FHL2: variants seen among roughly 807,000 people sequenced by gnomAD.
The protein encoded by FHL2 is four and a half LIM domains protein 2.
In FHL2, 20 loss-of-function variants were observed where a neutral mutation model predicts 32.7. That is an observed-to-expected ratio of 0.61 (90% CI 0.43 to 0.89). FHL2 has a LOEUF of 0.89. Ranked by LOEUF, FHL2 falls within the 40% of genes least tolerant of loss-of-function variation. The probability of loss-of-function intolerance (pLI) is 0.00; values close to 1 mark genes in which losing one functional copy is unlikely to be tolerated. For synonymous variants in FHL2, 123 were observed against 128.1 expected (o/e 0.96, Z 0.27); for missense variants, 311 against 358.6 (o/e 0.87, Z 1.07).
chr2:105,430,452 A>C (rs1684396359), intron 1 of FHL2, among the ~76,000 whole-genome samples: 1 of 152,174 alleles, frequency 6.6e-6, no homozygotes, highest in South Asian at 2.1e-4. Flanking sequence ...AGATCACCCG[A>C]GGTCAGGAGT....
rs933188780 is a variant in FHL2 at position 105,422,721 on chromosome 2, G to A, written c.-25+15678C>T. Reference sequence around the variant, plus strand: ...ACTGTCTGGAGTTTAATACTGCCACGAGATTGCATCTTTAGGTTGATTTTT... The same window carrying A: ...ACTGTCTGGAGTTTAATACTGCCACAAGATTGCATCTTTAGGTTGATTTTT... On this transcript the variant is annotated intron_variant, in intron 1 of 5. Coordinates refer to the FHL2 transcript ENST00000393352. Among the ~76,000 whole-genome samples the A allele has an allele frequency of 5.3e-5, 8 of 150,528 alleles. No individual in the cohort carries two copies. The East Asian group carries it at 1.4e-3, about 26-fold the overall frequency.
At chr2:105,402,247 G>C (rs199868865), upstream of FHL2, among the ~76,000 whole-genome samples, 1 of 150,188 alleles carries the variant, frequency 6.7e-6, no homozygotes, top group Non-Finnish European at 1.5e-5. Context: ...GTGTGTGTGT[G>C]TATATATATA....
intron 3 of FHL2, chr2:105,378,430 C>T (rs977436615): frequency 3.3e-6 from 1 of 304,444 alleles, no homozygotes; most frequent in African/African-American, 2.2e-5. Context: ...CTGCTATATC[C>T]CCTGGGAACC....
At chr2:105,379,044 G>A (rs185113391) in intron 3 of FHL2, among the ~76,000 whole-genome samples, 1 of 152,268 alleles carries the variant, frequency 6.6e-6, no homozygotes, top group East Asian at 1.9e-4. Context: ...GATCCCAGGA[G>A]CACGTGATTA....
intron 2 of FHL2, among the ~76,000 whole-genome samples, chr2:105,392,488 G>GA (rs201916312): frequency 0.027 from 4,003 of 151,048 alleles, 62 homozygotes; most frequent in East Asian, 0.041. Flanking sequence ...TGTCTCCAAA[G>GA]AAAAAAAAGA....
intron 1 of FHL2, among the ~76,000 whole-genome samples, chr2:105,434,812 T>C (rs1684540319): frequency 6.6e-6 from 1 of 152,248 alleles, no homozygotes; most frequent in South Asian, 2.1e-4. Flanking sequence ...CTTGATCTCT[T>C]GCCCAGGCTG....
intron 1 of FHL2, among the ~76,000 whole-genome samples, chr2:105,420,393 G>A (rs1684064152): frequency 6.6e-6 from 1 of 152,118 alleles, no homozygotes; most frequent in Non-Finnish European, 1.5e-5. Context: ...TATTGGATTA[G>A]GGATACCCTA....
chr2:105,363,654 T>G (rs1448221914), intron 5 of FHL2, among the ~76,000 whole-genome samples, 183 bp from the exon 6 acceptor site: 1 of 152,176 alleles, frequency 6.6e-6, no homozygotes, highest in Non-Finnish European at 1.5e-5. Context: ...TTCATTCCAG[T>G]GTCATAGGCC....
chr2:105,425,159 C>T (rs1235370216), intron 1 of FHL2, among the ~76,000 whole-genome samples: 1 of 152,094 alleles, frequency 6.6e-6, no homozygotes, highest in Non-Finnish European at 1.5e-5. Context: ...TGTAGCTTTG[C>T]CCCAGCCACT....
At chr2:105,396,810 A>C (rs1193656703) in intron 1 of FHL2, 113 bp from the exon 2 acceptor site, 17 of 886,036 alleles carry the variant, frequency 1.9e-5, no homozygotes, top group Non-Finnish European at 3.0e-5. Context: ...AATTCTCATA[A>C]TAAAACCGCA....
intron 1 of FHL2, among the ~76,000 whole-genome samples, chr2:105,414,728 T>A (rs935039483): frequency 2.6e-5 from 4 of 152,176 alleles, no homozygotes; most frequent in Non-Finnish European, 5.9e-5. Context: ...AATTTTTATA[T>A]TTTTAGTAGT....
chr2:105,365,782 T>C (rs1680589852), intron 5 of FHL2, among the ~76,000 whole-genome samples: 1 of 147,376 alleles, frequency 6.8e-6, no homozygotes, highest in Non-Finnish European at 1.5e-5. Flanking sequence ...AAAGCAGAGG[T>C]TGCAGTGAGT....
At chr2:105,415,389 G>A (rs1022422352) in intron 1 of FHL2, among the ~76,000 whole-genome samples, 18 of 152,210 alleles carry the variant, frequency 1.2e-4, no homozygotes, top group African/African-American at 4.1e-4. Context: ...AGAGAATGGA[G>A]GGAGGGGGAA....
intron 1 of FHL2, among the ~76,000 whole-genome samples, chr2:105,420,103 C>T (rs1222547276): frequency 6.6e-6 from 1 of 152,190 alleles, no homozygotes; most frequent in African/African-American, 2.4e-5. Flanking sequence ...AAGTACCACA[C>T]ACTGGATGGC....
At chr2:105,393,310 G>A (rs566072365) in intron 2 of FHL2, among the ~76,000 whole-genome samples, 127 of 152,128 alleles carry the variant, frequency 8.3e-4, no homozygotes, top group Non-Finnish European at 1.5e-3. Context: ...ATCTGTGAAC[G>A]TCCCCAAGCC....
intron 1 of FHL2, among the ~76,000 whole-genome samples, chr2:105,415,242 G>C (rs1683899946): frequency 6.6e-6 from 1 of 152,244 alleles, no homozygotes; most frequent in South Asian, 2.1e-4. Flanking sequence ...TTAAGTGAAA[G>C]AGGAAAGTGC....
intron 1 of FHL2, among the ~76,000 whole-genome samples, chr2:105,397,727 A>C (rs931623188): frequency 5.9e-5 from 9 of 152,224 alleles, no homozygotes; most frequent in Middle Eastern, 3.2e-3. Flanking sequence ...ATGATCTTCT[A>C]AACTGGGGGG....
At chr2:105,362,374 A>G (rs1680334179) in intron 6 of FHL2, among the ~76,000 whole-genome samples, 1 of 152,198 alleles carries the variant, frequency 6.6e-6, no homozygotes, top group South Asian at 2.1e-4. Context: ...CGACCTGGGA[A>G]GGTGAGTTAG....
intron 1 of FHL2, among the ~76,000 whole-genome samples, chr2:105,397,915 G>T (rs2104631871): frequency 6.7e-6 from 1 of 150,106 alleles, no homozygotes; most frequent in East Asian, 1.9e-4. Flanking sequence ...ACATCTTCAG[G>T]ATAGTGCAAA....
Sources: allele counts gnomAD v4.1 joint callset (sites outside exome capture counted in the v4.1 genomes callset), GRCh38; gene constraint gnomAD v4.1.1; transcripts MANE v1.5; gene names NCBI Gene and HGNC (gene_info 2026-07-23, HGNC 2026-07-21).